Variants in COL4A4 observed in about 807,000 individuals in gnomAD.
COL4A4 encodes collagen type IV alpha 4 chain.
Under a neutral mutation model 192.9 loss-of-function variants are expected in COL4A4, and 105 were observed. The ratio of observed to expected loss-of-function variants is 0.54; its 90% CI spans 0.46 to 0.64. The LOEUF is 0.64. COL4A4 is among the 30% of genes least tolerant of loss of function. The pLI, the probability that COL4A4 is intolerant of heterozygous loss-of-function variation, is 0.00. For synonymous variants in COL4A4, 762 were observed against 769.9 expected (o/e 0.99, Z 0.17); for missense variants, 1,967 against 2,169.3 (o/e 0.91, Z 1.85).
chr2:227,023,570 A>G (rs1966438603), intron 43 of COL4A4, among the ~76,000 whole-genome samples: 3 of 152,242 alleles, frequency 2.0e-5, no homozygotes, highest in Admixed American at 2.0e-4. Flanking sequence ...ACAGAGGGAT[A>G]AGAAATAATA....
At chr2:227,053,872 T>C (rs758488797) in intron 31 of COL4A4, among the ~76,000 whole-genome samples, 1 of 151,874 alleles carries the variant, frequency 6.6e-6, no homozygotes, top group Non-Finnish European at 1.5e-5. Flanking sequence ...CAAATGAAGC[T>C]TGGGGAAACT....
At chr2:226,987,712 A>T in the COL4A4 span, among the ~76,000 whole-genome samples, 2 of 152,340 alleles carry the variant, frequency 1.3e-5, no homozygotes, top group Non-Finnish European at 2.9e-5. Flanking sequence ...GGTGGACCCC[A>T]GATATGAACC....
chr2:227,106,661 G>A (rs1290553451), intron 12 of COL4A4, among the ~76,000 whole-genome samples: 1 of 152,182 alleles, frequency 6.6e-6, no homozygotes, highest in Admixed American at 6.5e-5. Context: ...CACCTCCCAG[G>A]TTCAAGCAAT....
At chr2:226,983,252 C>T in the COL4A4 span, among the ~76,000 whole-genome samples, 32 of 152,218 alleles carry the variant, frequency 2.1e-4, 1 homozygote, top group East Asian at 5.2e-3. Context: ...TAGAATCTGC[C>T]TCTCACCAAG....
chr2:226,972,952 A>G, the COL4A4 span, among the ~76,000 whole-genome samples: 1 of 151,334 alleles, frequency 6.6e-6, no homozygotes, highest in African/African-American at 2.4e-5. Context: ...AAAACAAAAA[A>G]CCATGCAGGT....
chr2:227,103,539 T>C (rs2060643490), intron 13 of COL4A4, among the ~76,000 whole-genome samples: 1 of 152,234 alleles, frequency 6.6e-6, no homozygotes, highest in South Asian at 2.1e-4. Flanking sequence ...GTGGCACCAA[T>C]AATACCAGCA....
At chr2:227,085,169 T>C (rs1307003550) in intron 22 of COL4A4, among the ~76,000 whole-genome samples, 4 of 151,568 alleles carry the variant, frequency 2.6e-5, no homozygotes, top group African/African-American at 9.7e-5. Context: ...AAAAAAACAC[T>C]TCCTCTCTGC....
intron 35 of COL4A4, among the ~76,000 whole-genome samples, chr2:227,043,957 C>T (rs1484955432): frequency 1.3e-5 from 2 of 152,228 alleles, no homozygotes; most frequent in Non-Finnish European, 2.9e-5. Context: ...CACGTTCCAT[C>T]CCAGAATCAC....
chr2:226,998,652 CAATT>C (rs2149652851), downstream of COL4A4: 1 of 152,122 alleles, frequency 6.6e-6, no homozygotes, highest in African/African-American at 2.4e-5. Context: ...CACAGTATCT[CAATT>C]ATTTGCTCTG....
chr2:227,090,043 A>C, intron 20 of COL4A4, 86 bp from the exon 21 acceptor site: 1 of 1,013,194 alleles, frequency 9.9e-7, no homozygotes, highest in Middle Eastern at 2.4e-4. Flanking sequence ...TTGCACTCAC[A>C]TCCTCCCCCA....
chr2:227,079,834 G>C (rs1397979304), intron 24 of COL4A4, among the ~76,000 whole-genome samples: 2 of 152,138 alleles, frequency 1.3e-5, no homozygotes, highest in Non-Finnish European at 2.9e-5. Flanking sequence ...CAGAAATACT[G>C]CACATATTTA....
At chr2:227,115,775 T>C (rs2061460704) in intron 7 of COL4A4, among the ~76,000 whole-genome samples, 1 of 152,216 alleles carries the variant, frequency 6.6e-6, no homozygotes, top group Admixed American at 6.5e-5. Flanking sequence ...GGTTTGGTAG[T>C]ATCTGCAGTT....
intron 17 of COL4A4, 30 bp downstream of exon 17, chr2:227,101,474 A>G: frequency 1.3e-6 from 2 of 1,545,414 alleles, no homozygotes; most frequent in Middle Eastern, 1.7e-4. Flanking sequence ...AACTTTTATC[A>G]GGATATATTA....
chr2:227,154,684 T>C (rs897231255), intron 1 of COL4A4, among the ~76,000 whole-genome samples: 1 of 152,242 alleles, frequency 6.6e-6, no homozygotes, highest in Non-Finnish European at 1.5e-5. Flanking sequence ...TGTTTCTATA[T>C]ACATTTCTCT....
At chr2:227,041,111 A>G (rs1051224440) in intron 37 of COL4A4, among the ~76,000 whole-genome samples, 5 of 152,058 alleles carry the variant, frequency 3.3e-5, no homozygotes, top group Non-Finnish European at 7.4e-5. Context: ...GTAGCACCTT[A>G]TTGTTTTCTC....
Position 227,032,247 on chromosome 2 carries a change from C to A in COL4A4, c.3607G>T (p.Val1203Leu). The stretch of plus-strand genomic sequence containing the variant: ...TCCCCTTTTAGCCCAGGTATTCCCA[C>A]TGGACCAGGTGGCCCCACATCATGC... ...GLHDVGPPGP[V>L]GIPGLKGERG... The change falls in exon 39 of 48, where the codon GTG becomes TTG. Residue 1203 changes from valine (V) to leucine (L), a missense_variant. Coordinates refer to ENST00000396625, the MANE Select transcript of COL4A4 (RefSeq NM_000092.5). 1 of 1,614,024 alleles carries A rather than the reference C, an allele frequency of 6.2e-7. No individual in the cohort carries two copies. The highest frequency in any genetic ancestry group is 1.1e-5 in the South Asian group (1 of 91,078).
chr2:226,981,016 T>G, the COL4A4 span, among the ~76,000 whole-genome samples: 2 of 152,160 alleles, frequency 1.3e-5, no homozygotes, highest in Non-Finnish European at 2.9e-5. Context: ...ATTTCAAGGG[T>G]GTAAAACCAG....
chr2:227,162,250 G>A (rs549482122), intron 1 of COL4A4, among the ~76,000 whole-genome samples: 1 of 152,296 alleles, frequency 6.6e-6, no homozygotes, highest in South Asian at 2.1e-4. Flanking sequence ...ATTACTTCCT[G>A]TTCCAAAATT....
At chr2:227,103,105 C>T (rs760471900) in intron 14 of COL4A4, 39 bp downstream of exon 14, 4 of 1,508,592 alleles carry the variant, frequency 2.7e-6, no homozygotes, top group East Asian at 2.3e-5. Context: ...GATAGTACAT[C>T]ACACAAATGA....
Sources: allele counts gnomAD v4.1 joint callset (sites outside exome capture counted in the v4.1 genomes callset), GRCh38; gene constraint gnomAD v4.1.1; transcripts MANE v1.5; gene names NCBI Gene and HGNC (gene_info 2026-07-23, HGNC 2026-07-21).